The following KDM2B variants were observed in gnomAD, a reference collection of about 807,000 sequenced individuals.
KDM2B encodes lysine-specific demethylase 2B.
In KDM2B, 26 loss-of-function variants were observed where a neutral mutation model predicts 150.0. That is an observed-to-expected ratio of 0.17 (90% CI 0.13 to 0.24). The LOEUF is 0.24. Ranked by LOEUF, KDM2B falls within the 10% of genes least tolerant of loss-of-function variation. KDM2B has a pLI of 1.00. For synonymous variants in KDM2B, 734 were observed against 729.5 expected, an observed-to-expected ratio of 1.01 and a Z score of -0.10; for missense variants, 1,265 against 1,816.9, an observed-to-expected ratio of 0.70 and a Z score of 5.52.
chr12:121,525,299 C>A (rs1246525022), intron 8 of KDM2B, among the ~76,000 whole-genome samples: 1 of 152,140 alleles, frequency 6.6e-6, no homozygotes, highest in Non-Finnish European at 1.5e-5. Flanking sequence ...CAGAGCCTTA[C>A]TGTGTCACCC....
intron 2 of KDM2B, among the ~76,000 whole-genome samples, 161 bp downstream of exon 2, chr12:121,578,641 A>ACCACC (rs1891699083): frequency 9.2e-6 from 1 of 108,866 alleles, no homozygotes; most frequent in Non-Finnish European, 2.0e-5. Context: ...CTCCTCCCTC[A>ACCACC]CCACCCCACC....
intron 2 of KDM2B, among the ~76,000 whole-genome samples, chr12:121,577,678 G>A (rs989801443): frequency 3.3e-5 from 5 of 152,222 alleles, no homozygotes; most frequent in Non-Finnish European, 7.3e-5. Flanking sequence ...GGATGGAAGG[G>A]TTTTCCAAGG....
chr12:121,523,348 G>A (rs1343563150), intron 8 of KDM2B, among the ~76,000 whole-genome samples: 1 of 152,250 alleles, frequency 6.6e-6, no homozygotes, highest in Admixed American at 6.5e-5. Context: ...AAGGACAGAG[G>A]AGGGTTGGCT....
intron 4 of KDM2B, among the ~76,000 whole-genome samples, chr12:121,573,285 C>CTTT (rs34937823): frequency 7.0e-6 from 1 of 141,988 alleles, no homozygotes; most frequent in Admixed American, 7.0e-5. Flanking sequence ...ACACTGTTTA[C>CTTT]TTTTTTTTTT....
At chr12:121,487,438 C>T (rs1436469898) in intron 12 of KDM2B, among the ~76,000 whole-genome samples, 4 of 152,164 alleles carry the variant, frequency 2.6e-5, no homozygotes, top group African/African-American at 9.6e-5. Flanking sequence ...GTTCCCCTCA[C>T]CAACCCTCCA....
In KDM2B at chr12:121,437,124, C is replaced by T. The variant is rs541162671; in HGVS notation, c.3829+2733G>A. 7.7e-4 allele frequency among the ~76,000 whole-genome samples: 117 copies of T among 151,560 alleles called. 1 individual carries two copies. Among genetic ancestry groups the T allele is most frequent in the Admixed American group, 1.4e-3 (21 of 15,220 alleles). On this transcript the variant is annotated intron_variant, in intron 22 of 22. Coordinates refer to ENST00000377071, the MANE Select transcript of KDM2B (RefSeq NM_032590.5). ...GGAGTCCAGGATGGCAGCAGTGGGG[C>T]GGGCAGTCCCAGAGGAGAAAACGGA... is the stretch of plus-strand genomic sequence containing the variant.
chr12:121,496,242 C>CA (rs1883920931), intron 11 of KDM2B, among the ~76,000 whole-genome samples: 3 of 151,926 alleles, frequency 2.0e-5, no homozygotes, highest in Admixed American at 6.6e-5. Flanking sequence ...CAGCACCCCA[C>CA]AAAAAAATGT....
intron 1 of KDM2B, chr12:121,580,572 C>CAGGG: frequency 1.8e-6 from 1 of 554,390 alleles, no homozygotes; most frequent in Non-Finnish European, 2.6e-6. Context: ...GATGGCGGGG[C>CAGGG]AGGGAGGGAG....
rs574932095 is a variant in KDM2B, at chr12:121,439,655, C to T, written c.3829+202G>A. ...TCGGCCTCCCAACGTGCTGGGATTA[C>T]GGGCGTGAGCTACCGCACCCGGCCA... On this transcript the variant is annotated intron_variant, in intron 22 of 22. Coordinates refer to ENST00000377071, the MANE Select transcript of KDM2B (RefSeq NM_032590.5). Among the ~76,000 whole-genome samples the T allele has an allele frequency of 7.9e-5, 12 of 152,316 alleles. No homozygotes were observed. The South Asian group carries it at 8.3e-4, about 11-fold the overall frequency.
chr12:121,509,935 C>T lies in KDM2B; in HGVS notation c.1279G>A (p.Glu427Lys), dbSNP rs1555303658. 11 of 1,612,608 alleles carry T rather than the reference C, an allele frequency of 6.8e-6. No individual in the cohort carries two copies. The highest frequency in any genetic ancestry group is 5.3e-5 in the African/African-American group (4 of 74,914). Residue 427 changes from glutamate to lysine, a missense_variant, in exon 11 of 23, where the codon GAG becomes AAG. Physicochemically the swap from Glu to Lys is moderately conservative, Grantham distance 56. This residue lies in a region of KDM2B where 154 missense variants were observed against 162.5 expected (regional missense o/e 0.95). Transcript: ENST00000377071. Reference sequence around the variant, plus strand: ...GCCCTGTCCCTGCCCTCGCCCTCCTCGTCCTTCTCCTCCTCCTCCTGAGGC... The same window carrying T: ...GCCCTGTCCCTGCCCTCGCCCTCCTTGTCCTTCTCCTCCTCCTCCTGAGGC... ...QQPQEEEEKD[E>K]EGEGRDRAPK...
At chr12:121,469,945 A>C (rs1287547705) in intron 12 of KDM2B, 1 of 152,040 alleles carries the variant, frequency 6.6e-6, no homozygotes, top group East Asian at 1.9e-4. Context: ...AAAAATACAA[A>C]AATTAACAGG....
chr12:121,532,665 C>T (rs1555308033), intron 8 of KDM2B, 141 bp downstream of exon 8: 7 of 815,810 alleles, frequency 8.6e-6, no homozygotes, highest in Non-Finnish European at 1.4e-5. Flanking sequence ...GCTTTTCCCT[C>T]CAGCCCACGG....
chr12:121,445,191 T>G, intron 14 of KDM2B, 84 bp downstream of exon 14: 1 of 1,506,126 alleles, frequency 6.6e-7, no homozygotes, highest in Non-Finnish European at 9.1e-7. Flanking sequence ...CTGCACGACC[T>G]GCATCCCACC....
Position 121,578,826 on chromosome 12 carries a change from A to G in KDM2B, c.247T>C (p.Phe83Leu). Residue 83 changes from phenylalanine (F) to leucine (L), a missense_variant, in exon 2 of 23, where the codon TTC becomes CTC. Physicochemically the swap from Phe to Leu is conservative, Grantham distance 22 (BLOSUM62 0). This residue lies in a region of KDM2B where 214 missense variants were observed against 447.4 expected (regional missense o/e 0.48). Coordinates refer to ENST00000377071, the MANE Select transcript of KDM2B (RefSeq NM_032590.5). ...CCTTTGCCCTCCATGGCGTGCACGA[A>G]GTCCCCCTGGTACAGCTGGCTGCGA... The part of the protein sequence containing the change: ...KLRSQLYQGD[F>L]VHAMEGKDFN... The G allele has an allele frequency of 6.3e-7, 1 of 1,593,928 alleles. No individual in the cohort carries two copies. Among genetic ancestry groups the G allele is most frequent in the South Asian group, 1.1e-5 (1 of 89,226 alleles).
chr12:121,466,988 C>T (rs1329751939), intron 12 of KDM2B, among the ~76,000 whole-genome samples: 3 of 148,602 alleles, frequency 2.0e-5, no homozygotes, highest in East Asian at 3.9e-4. Context: ...GCCTGCCGCG[C>T]TCCTCTACGC....
At chr12:121,484,388 GT>G (rs1302954520) in intron 12 of KDM2B, among the ~76,000 whole-genome samples, 5 of 152,144 alleles carry the variant, frequency 3.3e-5, no homozygotes, top group Non-Finnish European at 5.9e-5. Flanking sequence ...AGGTGGACTG[GT>G]CCAAGGAAAT....
chr12:121,580,609 G>T, intron 1 of KDM2B, 177 bp downstream of exon 1: 1 of 1,070,890 alleles, frequency 9.3e-7, no homozygotes, highest in Non-Finnish European at 1.3e-6. Flanking sequence ...GGGGAGGGAG[G>T]TGCAGATTTG....
rs111580714 is a variant in KDM2B at position 121,466,135 on chromosome 12, G to GA, written c.1735-12792dup. ...CACTTCCTCAATTGCACCTAATGAT[G>GA]AAAAAAAAAAAAAGTTACCACATTT... On this transcript the variant is annotated intron_variant, in intron 12 of 22. Coordinates refer to ENST00000377071, the MANE Select transcript of KDM2B (RefSeq NM_032590.5). Among the ~76,000 whole-genome samples, 165 of 141,870 alleles carry GA rather than the reference G, an allele frequency of 1.2e-3. 1 individual carries two copies. Among genetic ancestry groups the GA allele is most frequent in the East Asian group, 8.9e-3 (44 of 4,964 alleles). 93.1% of individuals were successfully genotyped at this position (141,870 alleles called of 152,430 possible). A position where few individuals can be genotyped will look rare whatever the true frequency, so the allele number is the denominator to read the frequency against.
chr12:121,421,373 A>C, the KDM2B span, among the ~76,000 whole-genome samples: 7,763 of 104,192 alleles, frequency 0.075, 300 homozygotes, highest in African/African-American at 0.23. Flanking sequence ...CCCATCTCTA[A>C]AAAAAAAAAA....
Sources: allele counts gnomAD v4.1 joint callset (sites outside exome capture counted in the v4.1 genomes callset), GRCh38; gene constraint gnomAD v4.1.1; regional missense constraint gnomAD v4.1.1; transcripts MANE v1.5; gene names NCBI Gene and HGNC (gene_info 2026-07-23, HGNC 2026-07-21).